The following CRPPA variants were observed in gnomAD, a reference collection of about 807,000 sequenced individuals.
CRPPA encodes D-ribitol-5-phosphate cytidylyltransferase.
A neutral mutation model predicts 52.0 loss-of-function variants in CRPPA; 43 were observed. The observed-to-expected ratio is 0.83, with a 90% CI of 0.65 to 1.07. CRPPA has a LOEUF of 1.07. Among genes scored for constraint, CRPPA ranks in the 50% least tolerant of loss-of-function variants. The pLI is 0.00. For synonymous variants in CRPPA, 250 were observed against 203.5 expected (o/e 1.23, Z -1.94); for missense variants, 629 against 551.7 (o/e 1.14, Z -1.40).
chr7:16,260,427 T>C, intron 6 of CRPPA, among the ~76,000 whole-genome samples: 1 of 152,014 alleles, frequency 6.6e-6, no homozygotes, highest in East Asian at 1.9e-4. Context: ...AGAACTCTAC[T>C]GCCCAGCAAC....
intron 8 of CRPPA, among the ~76,000 whole-genome samples, chr7:16,229,312 T>C (rs12699773): frequency 0.23 from 34,711 of 151,976 alleles, 4,268 homozygotes; most frequent in South Asian, 0.43. Context: ...ACAACTGCCA[T>C]TTTTGTGCAT....
At chr7:16,246,100 C>G (rs1279582326) in intron 8 of CRPPA, among the ~76,000 whole-genome samples, 1 of 152,160 alleles carries the variant, frequency 6.6e-6, no homozygotes, top group Non-Finnish European at 1.5e-5. Context: ...TGACCCACAA[C>G]AGACTTTCTT....
intron 2 of CRPPA, among the ~76,000 whole-genome samples, chr7:16,397,387 CAG>C (rs1489448418): frequency 6.6e-6 from 1 of 152,134 alleles, no homozygotes; most frequent in Non-Finnish European, 1.5e-5. Flanking sequence ...TGACATATGA[CAG>C]ATGTGACAAC....
intron 5 of CRPPA, among the ~76,000 whole-genome samples, chr7:16,283,437 T>C (rs538674660): frequency 1.4e-4 from 21 of 150,228 alleles, no homozygotes; most frequent in African/African-American, 3.4e-4. Context: ...ATATCATATA[T>C]GATATATATG....
At chr7:16,409,074 G>T (rs538106175) in intron 1 of CRPPA, among the ~76,000 whole-genome samples, 123 of 152,234 alleles carry the variant, frequency 8.1e-4, no homozygotes, top group African/African-American at 2.7e-3. Flanking sequence ...GCTAATTTTT[G>T]TATTTTTAGT....
chr7:16,170,846 C>T (rs967966552), intron 9 of CRPPA, among the ~76,000 whole-genome samples: 1 of 152,202 alleles, frequency 6.6e-6, no homozygotes, highest in Non-Finnish European at 1.5e-5. Context: ...CATTGCGCAG[C>T]GCCGGCAGCC....
chr7:16,220,055 G>T (rs1386784820), intron 8 of CRPPA, among the ~76,000 whole-genome samples: 4 of 137,374 alleles, frequency 2.9e-5, no homozygotes, highest in African/African-American at 1.1e-4. Flanking sequence ...TAAAATACTG[G>T]CAAAACAAAT....
chr7:16,376,208 CA>C lies in CRPPA; in HGVS notation c.567del (p.Val190SerfsTer10). On this transcript the variant is annotated frameshift_variant, in exon 3 of 10. Transcript: ENST00000407010. LOFTEE classifies it high-confidence loss of function. ...AAGAIRPLVS[T>X]VVSPSADGCL... ...CAACCATCAGCAGATGGACTGACGACAGTAGATACAAGAGGTCGAATGGCTC... is the reference window on the plus strand; with the variant it reads ...CAACCATCAGCAGATGGACTGACGACGTAGATACAAGAGGTCGAATGGCTC... 1.2e-6 allele frequency: 2 copies of C among 1,612,368 alleles called. No homozygotes were observed. The highest frequency in any genetic ancestry group is 1.7e-6 in the Non-Finnish European group (2 of 1,179,174).
intron 9 of CRPPA, among the ~76,000 whole-genome samples, chr7:16,102,775 G>A (rs368357332): frequency 1.7e-4 from 26 of 152,326 alleles, no homozygotes; most frequent in African/African-American, 6.0e-4. Context: ...ACGCCAGTTA[G>A]AATGGCGACC....
At chr7:16,360,672 T>C (rs879599397) in intron 3 of CRPPA, among the ~76,000 whole-genome samples, 2 of 152,180 alleles carry the variant, frequency 1.3e-5, no homozygotes, top group Admixed American at 6.5e-5. Context: ...TGAATATCCA[T>C]ATGCACATGA....
intron 9 of CRPPA, among the ~76,000 whole-genome samples, chr7:16,109,893 G>A (rs1782226410): frequency 6.6e-6 from 1 of 151,934 alleles, no homozygotes; most frequent in Non-Finnish European, 1.5e-5. Flanking sequence ...TCCAAAACAA[G>A]ACAACATGCC....
At chr7:16,348,518 A>G (rs1380707762) in intron 3 of CRPPA, among the ~76,000 whole-genome samples, 1 of 152,168 alleles carries the variant, frequency 6.6e-6, no homozygotes, top group Non-Finnish European at 1.5e-5. Flanking sequence ...CTAGCTCTGG[A>G]AGCAGAAGGG....
At chr7:16,180,418 G>A (rs191615526) in intron 9 of CRPPA, among the ~76,000 whole-genome samples, 72 of 152,110 alleles carry the variant, frequency 4.7e-4, no homozygotes, top group African/African-American at 1.7e-3. Flanking sequence ...CATAATATAA[G>A]AAAAGCAACA....
intron 6 of CRPPA, among the ~76,000 whole-genome samples, chr7:16,261,160 T>C (rs920665044): frequency 9.9e-5 from 15 of 152,102 alleles, no homozygotes; most frequent in Non-Finnish European, 1.9e-4. Context: ...AATATGCATG[T>C]CATTTTAAAT....
chr7:16,198,975 A>G (rs1216094251), intron 9 of CRPPA, among the ~76,000 whole-genome samples: 1 of 152,202 alleles, frequency 6.6e-6, no homozygotes, highest in Non-Finnish European at 1.5e-5. Context: ...CTCTGTTTCC[A>G]GCCTCTCTGA....
At chr7:16,380,196 T>C (rs1787040053) in intron 2 of CRPPA, among the ~76,000 whole-genome samples, 1 of 151,432 alleles carries the variant, frequency 6.6e-6, no homozygotes, top group Non-Finnish European at 1.5e-5. Context: ...GTTTTTAGCA[T>C]GAAGAGTTGC....
intron 9 of CRPPA, among the ~76,000 whole-genome samples, chr7:16,109,470 T>C (rs1298368723): frequency 6.6e-6 from 1 of 151,874 alleles, no homozygotes; most frequent in Non-Finnish European, 1.5e-5. Context: ...GGCTGAATTC[T>C]ACCAAATATT....
At chr7:16,373,480 A>G (rs1786802893) in intron 3 of CRPPA, among the ~76,000 whole-genome samples, 1 of 152,198 alleles carries the variant, frequency 6.6e-6, no homozygotes, top group Admixed American at 6.5e-5. Context: ...AAGAAGACAG[A>G]TACCATCCCT....
chr7:16,282,784 T>C (rs962032380), intron 5 of CRPPA, among the ~76,000 whole-genome samples: 15 of 152,038 alleles, frequency 9.9e-5, no homozygotes, highest in Admixed American at 2.0e-4. Context: ...TGTTATTGTG[T>C]TGGTTTCTAT....
Sources: gnomAD v4.1 joint callset for allele counts (sites outside exome capture counted in the v4.1 genomes callset) on GRCh38, gnomAD v4.1.1 for gene constraint, MANE v1.5 for transcripts, NCBI Gene and HGNC (gene_info 2026-07-23, HGNC 2026-07-21) for gene names.